The following ATP9B variants were observed in gnomAD, a reference collection of about 807,000 sequenced individuals.
ATP9B encodes the protein ATPase phospholipid transporting 9B, also known as probable phospholipid-transporting ATPase IIB.
Under a neutral mutation model 146.1 loss-of-function variants are expected in ATP9B, and 110 were observed. The observed-to-expected ratio is 0.75, with a 90% CI of 0.65 to 0.88. The LOEUF is 0.88. ATP9B is among the 40% of genes least tolerant of loss of function. ATP9B has a pLI of 0.00. For synonymous variants in ATP9B, 604 were observed against 569.7 expected (o/e 1.06, Z -0.86); for missense variants, 1,499 against 1,496.4 (o/e 1.00, Z -0.03).
At chr18:79,101,401 C>G (rs904272186) in intron 2 of ATP9B, among the ~76,000 whole-genome samples, 5 of 152,088 alleles carry the variant, frequency 3.3e-5, no homozygotes, top group African/African-American at 9.7e-5. Flanking sequence ...CTATTTCATT[C>G]AACATAATGC....
chr18:79,327,832 T>A (rs1220312757), intron 15 of ATP9B, among the ~76,000 whole-genome samples: 1 of 63,834 alleles, frequency 1.6e-5, no homozygotes, highest in African/African-American at 6.7e-5. Context: ...GGTTAGTGTG[T>A]TCTCCGTGGT....
chr18:79,323,202 C>T (rs681371), intron 15 of ATP9B, among the ~76,000 whole-genome samples: 37 of 151,514 alleles, frequency 2.4e-4, no homozygotes, highest in Non-Finnish European at 4.0e-4. Flanking sequence ...AGTAATCCTC[C>T]GTTTATCGTT....
At chr18:79,330,227 C>A in intron 17 of ATP9B, 123 bp downstream of exon 17, 1 of 889,102 alleles carries the variant, frequency 1.1e-6, no homozygotes, top group Non-Finnish European at 1.8e-6. Flanking sequence ...AAAAGGATAT[C>A]CTTTCCCCAG....
chr18:79,367,393 GCCT>G (rs924810857), intron 26 of ATP9B, among the ~76,000 whole-genome samples: 1 of 73,020 alleles, frequency 1.4e-5, no homozygotes, highest in African/African-American at 6.6e-5. Context: ...CAGAGAAAGT[GCCT>G]CCTCAACCAG....
At chr18:79,224,422 GATGGTGGT>G (rs2095709764) in intron 11 of ATP9B, among the ~76,000 whole-genome samples, 1 of 152,206 alleles carries the variant, frequency 6.6e-6, no homozygotes, top group Admixed American at 6.5e-5. Flanking sequence ...TGGGCATGTG[GATGGTGGT>G]TATGTAGTTG....
At chr18:79,134,102 C>G (rs970811958) in intron 5 of ATP9B, among the ~76,000 whole-genome samples, 2 of 152,224 alleles carry the variant, frequency 1.3e-5, no homozygotes, top group Non-Finnish European at 2.9e-5. Flanking sequence ...CTCTGGCCAC[C>G]TGCTCCAGCT....
intron 5 of ATP9B, among the ~76,000 whole-genome samples, chr18:79,141,091 C>A (rs1184931282): frequency 1.3e-5 from 2 of 152,162 alleles, no homozygotes; most frequent in Non-Finnish European, 2.9e-5. Flanking sequence ...CCATAATCCC[C>A]ATGTGTCATG....
At chr18:79,297,136 G>A (rs865864313) in intron 13 of ATP9B, among the ~76,000 whole-genome samples, 5 of 133,732 alleles carry the variant, frequency 3.7e-5, no homozygotes, top group African/African-American at 8.6e-5. Flanking sequence ...GGAGACAGAC[G>A]ACCCAGAGAG....
At chr18:79,151,620 CA>C (rs754133088) in intron 6 of ATP9B, among the ~76,000 whole-genome samples, 8 of 152,116 alleles carry the variant, frequency 5.3e-5, no homozygotes, top group Non-Finnish European at 1.2e-4. Flanking sequence ...CGTGGTTTTG[CA>C]AAGTGGTGTA....
chr18:79,201,426 G>C (rs1439439612), intron 9 of ATP9B, among the ~76,000 whole-genome samples: 1 of 152,102 alleles, frequency 6.6e-6, no homozygotes, highest in Non-Finnish European at 1.5e-5. Flanking sequence ...AATATCTTTT[G>C]TGTCAGCTTA....
chr18:79,084,915 C>T (rs1037747459), intron 1 of ATP9B, among the ~76,000 whole-genome samples: 1 of 150,244 alleles, frequency 6.7e-6, no homozygotes, highest in African/African-American at 2.5e-5. Flanking sequence ...TAAAAATTTC[C>T]AAGGGAAGAA....
chr18:79,189,176 A>G (rs938267855), intron 8 of ATP9B, among the ~76,000 whole-genome samples: 26 of 151,992 alleles, frequency 1.7e-4, no homozygotes, highest in African/African-American at 6.0e-4. Flanking sequence ...GTAAAACCCC[A>G]TCTCTAATAA....
At chr18:79,232,859 G>GT (rs2095804956) in intron 11 of ATP9B, among the ~76,000 whole-genome samples, 1 of 152,218 alleles carries the variant, frequency 6.6e-6, no homozygotes, top group Admixed American at 6.5e-5. Context: ...GGGCTTATTT[G>GT]TAGACAGATG....
At chr18:79,276,161 G>A (rs531070907) in intron 12 of ATP9B, among the ~76,000 whole-genome samples, 1 of 152,298 alleles carries the variant, frequency 6.6e-6, no homozygotes, top group East Asian at 1.9e-4. Flanking sequence ...GAACTGCGCT[G>A]CCAGCAGCCG....
chr18:79,124,899 A>G (rs966407541), intron 4 of ATP9B, among the ~76,000 whole-genome samples: 1 of 152,162 alleles, frequency 6.6e-6, no homozygotes, highest in African/African-American at 2.4e-5. Flanking sequence ...GAATTAGGCC[A>G]TCAGTGGGCT....
intron 5 of ATP9B, among the ~76,000 whole-genome samples, chr18:79,131,858 A>C (rs1317098411): frequency 6.6e-6 from 1 of 152,238 alleles, no homozygotes; most frequent in African/African-American, 2.4e-5. Context: ...AGCCAGATGA[A>C]AAAGGTCCCA....
At chr18:79,242,616 G>A (rs552810089) in intron 11 of ATP9B, among the ~76,000 whole-genome samples, 13 of 152,272 alleles carry the variant, frequency 8.5e-5, no homozygotes, top group South Asian at 2.1e-4. Context: ...TTTCTGATGC[G>A]TTCTAATTGG....
chr18:79,312,446 C>T (rs1434940687), intron 15 of ATP9B, among the ~76,000 whole-genome samples: 1 of 152,216 alleles, frequency 6.6e-6, no homozygotes, highest in Non-Finnish European at 1.5e-5. Context: ...GCCTGACATC[C>T]CTTGGCTGCC....
At chr18:79,354,444 C>G (rs1259300734) in intron 25 of ATP9B, 1 of 152,100 alleles carries the variant, frequency 6.6e-6, no homozygotes, top group Non-Finnish European at 1.5e-5. Flanking sequence ...TGGTACACAC[C>G]CGCGGTCCTA....
Sources: gnomAD v4.1 joint callset for allele counts (sites outside exome capture counted in the v4.1 genomes callset) on GRCh38, gnomAD v4.1.1 for gene constraint, MANE v1.5 for transcripts, NCBI Gene and HGNC (gene_info 2026-07-23, HGNC 2026-07-21) for gene names.